DAPK1: variants seen among roughly 807,000 people sequenced by gnomAD.
DAPK1 encodes the protein death associated protein kinase 1.
Under a neutral mutation model 144.9 loss-of-function variants are expected in DAPK1, and 56 were observed. The ratio of observed to expected loss-of-function variants is 0.39; its 90% CI spans 0.31 to 0.48. The LOEUF is 0.48. Among genes scored for constraint, DAPK1 ranks in the 20% least tolerant of loss-of-function variants. The probability of loss-of-function intolerance (pLI) is 0.95; values close to 1 mark genes in which losing one functional copy is unlikely to be tolerated. For synonymous variants in DAPK1, 690 were observed against 749.0 expected (o/e 0.92, Z 1.29); for missense variants, 1,454 against 1,875.4 (o/e 0.78, Z 4.15).
intron 2 of DAPK1, among the ~76,000 whole-genome samples, chr9:87,521,224 G>A (rs1362858202): frequency 6.6e-6 from 1 of 152,232 alleles, no homozygotes; most frequent in Non-Finnish European, 1.5e-5. Context: ...GGGTGTCTGT[G>A]TTTAGCAACC....
chr9:87,523,832 A>G (rs1345610708), intron 2 of DAPK1, among the ~76,000 whole-genome samples: 5 of 126,824 alleles, frequency 3.9e-5, no homozygotes, highest in Admixed American at 9.2e-5. Flanking sequence ...TGGTAGCTGT[A>G]GGGAATCAGC....
intron 24 of DAPK1, among the ~76,000 whole-genome samples, chr9:87,701,038 T>G (rs36219446): frequency 0.015 from 2,237 of 152,332 alleles, 112 homozygotes; most frequent in Admixed American, 0.1. Context: ...GGGATTTTTA[T>G]CTTAAAATTT....
intron 2 of DAPK1, among the ~76,000 whole-genome samples, chr9:87,503,534 G>T (rs1824484655): frequency 6.6e-6 from 1 of 152,106 alleles, no homozygotes; most frequent in Non-Finnish European, 1.5e-5. Flanking sequence ...TCTCCATGGG[G>T]CCATTACCTT....
intron 3 of DAPK1, among the ~76,000 whole-genome samples, chr9:87,628,412 A>G (rs887060237): frequency 5.3e-5 from 8 of 152,326 alleles, no homozygotes; most frequent in South Asian, 2.1e-4. Context: ...CCCTGAATCT[A>G]TTTCCAACCT....
At position 87,671,865 on chromosome 9, in the gene DAPK1, C is replaced by T. The variant is rs1172047534; in HGVS notation, c.2001+3191C>T. Among the ~76,000 whole-genome samples the T allele has an allele frequency of 2.0e-5, 3 of 152,170 alleles. No individual in the cohort carries two copies. In the East Asian group the frequency reaches 5.8e-4, roughly 29 times the overall value. On this transcript the variant is annotated intron_variant, in intron 19 of 25. Transcript: ENST00000408954. Reference sequence around the variant, plus strand: ...AAAGGACAACATCCCCCTTAGCACCCAGAGTCCAGTGAAAAGTCCCCCCTC... The same window carrying T: ...AAAGGACAACATCCCCCTTAGCACCTAGAGTCCAGTGAAAAGTCCCCCCTC...
intron 2 of DAPK1, among the ~76,000 whole-genome samples, chr9:87,527,214 C>T (rs1180438837): frequency 8.4e-6 from 1 of 119,292 alleles, no homozygotes; most frequent in Non-Finnish European, 1.9e-5. Flanking sequence ...ATTGAAGACA[C>T]TTGCTTTTGC....
intron 2 of DAPK1, among the ~76,000 whole-genome samples, chr9:87,546,132 C>T (rs897391656): frequency 1.3e-5 from 2 of 151,994 alleles, no homozygotes; most frequent in Admixed American, 1.3e-4. Context: ...GGTGGTGGAG[C>T]AAAACCATTT....
intron 17 of DAPK1, among the ~76,000 whole-genome samples, chr9:87,654,651 A>G (rs36214388): frequency 0.028 from 4,286 of 152,316 alleles, 161 homozygotes; most frequent in African/African-American, 0.084. Context: ...AGTAGCATCA[A>G]GACCTTGGGT....
At chr9:87,688,657 T>G (rs924552251) in intron 21 of DAPK1, among the ~76,000 whole-genome samples, 3 of 152,182 alleles carry the variant, frequency 2.0e-5, no homozygotes, top group Non-Finnish European at 2.9e-5. Flanking sequence ...CTCATTGTGG[T>G]TTTGATTTGC....
intron 3 of DAPK1, among the ~76,000 whole-genome samples, chr9:87,606,194 A>G (rs1828709075): frequency 6.6e-6 from 1 of 152,166 alleles, no homozygotes; most frequent in Admixed American, 6.5e-5. Context: ...AGGTTGGCAG[A>G]GCTGCCAGGC....
At chr9:87,657,967 G>T in intron 17 of DAPK1, 62 bp from the exon 18 acceptor site, 2 of 734,262 alleles carry the variant, frequency 2.7e-6, no homozygotes, top group South Asian at 1.5e-5. Flanking sequence ...TGTGTCTCCG[G>T]AATGTCATCC....
At chr9:87,602,622 CTTTTTTCTTTT>C (rs1343504103) in intron 2 of DAPK1, among the ~76,000 whole-genome samples, 2 of 151,814 alleles carry the variant, frequency 1.3e-5, no homozygotes, top group Non-Finnish European at 2.9e-5. Flanking sequence ...GAAGGATTTT[CTTTTTTCTTTT>C]TTTTTTCTTT....
At position 87,662,560 on chromosome 9, in the gene DAPK1, G is replaced by GTTTTTTTTTTT. The variant is rs71507734; in HGVS notation, c.1923+4448_1923+4458dup. Among the ~76,000 whole-genome samples, 78 of 32,114 alleles carry GTTTTTTTTTTT rather than the reference G, an allele frequency of 2.4e-3. 13 individuals are homozygous for GTTTTTTTTTTT. Among genetic ancestry groups the GTTTTTTTTTTT allele is most frequent in the South Asian group, 4.2e-3 (3 of 720 alleles). 21.1% of individuals were successfully genotyped at this position (32,114 alleles called of 152,430 possible). A position where few individuals can be genotyped will look rare whatever the true frequency, so the allele number is the denominator to read the frequency against. On this transcript the variant is annotated intron_variant, in intron 18 of 25. Coordinates refer to ENST00000408954, the MANE Select transcript of DAPK1 (RefSeq NM_004938.4). ...ACCTCCTTGGTTAAATATATTCCTA[G>GTTTTTTTTTTT]TTTTTTTTTTTTTTTTTTTTTTTTT...
intron 2 of DAPK1, among the ~76,000 whole-genome samples, chr9:87,506,100 G>T (rs545084222): frequency 3.7e-4 from 57 of 152,304 alleles, no homozygotes; most frequent in African/African-American, 1.3e-3. Flanking sequence ...CTGATTAAAA[G>T]GTGGCAAGAC....
chr9:87,604,061 G>A (rs1459867574), intron 2 of DAPK1, among the ~76,000 whole-genome samples: 1 of 152,166 alleles, frequency 6.6e-6, no homozygotes, highest in East Asian at 1.9e-4. Context: ...ACTCCATGGT[G>A]TCACTGCAGA....
intron 2 of DAPK1, among the ~76,000 whole-genome samples, chr9:87,511,972 A>G (rs1587672817): frequency 6.6e-6 from 1 of 152,138 alleles, no homozygotes. Context: ...TCGGCCTCCC[A>G]AAGTGCTGGG....
chr9:87,699,063 A>G (rs112530442), intron 23 of DAPK1, among the ~76,000 whole-genome samples: 44 of 152,348 alleles, frequency 2.9e-4, no homozygotes, highest in African/African-American at 9.6e-4. Flanking sequence ...AAAATTCTAA[A>G]TCTGAAATGC....
At position 87,640,312 on chromosome 9, in the gene DAPK1, C is replaced by G. The variant is rs1269480026; in HGVS notation, c.644C>G (p.Ser215Cys). The G allele has an allele frequency of 6.2e-7, 1 of 1,613,846 alleles. No homozygotes were observed. Among genetic ancestry groups the G allele is most frequent in the East Asian group, 2.2e-5 (1 of 44,880 alleles). The change falls in exon 8 of 26, where the codon TCC (serine) becomes TGC (cysteine). Residue 215 changes from serine (S) to cysteine (C), a missense_variant. Coordinates refer to ENST00000408954, the MANE Select transcript of DAPK1 (RefSeq NM_004938.4). ...ATTTTTAACAGCCTAAGTGGGGCCT[C>G]CCCATTTCTTGGAGACACTAAGCAA... Reference protein sequence around the residue: ...VITYILLSGASPFLGDTKQET... With the variant: ...VITYILLSGACPFLGDTKQET...
chr9:87,631,681 G>C (rs1235996485), intron 3 of DAPK1, among the ~76,000 whole-genome samples: 2 of 152,214 alleles, frequency 1.3e-5, no homozygotes, highest in Non-Finnish European at 2.9e-5. Flanking sequence ...AAGAGAAAAA[G>C]TGCAAGGTTT....
Sources: allele counts gnomAD v4.1 joint callset (sites outside exome capture counted in the v4.1 genomes callset), GRCh38; gene constraint gnomAD v4.1.1; transcripts MANE v1.5; gene names NCBI Gene and HGNC (gene_info 2026-07-23, HGNC 2026-07-21).